MMP26: variants seen among roughly 807,000 people sequenced by gnomAD.
MMP26 encodes the protein matrix metallopeptidase 26.
In MMP26, 33 loss-of-function variants were observed where a neutral mutation model predicts 31.0. The observed-to-expected ratio is 1.06, with a 90% confidence interval of 0.81 to 1.42. The LOEUF (loss-of-function observed/expected upper bound fraction) is 1.42. Among genes scored for constraint, MMP26 ranks in the 40% most tolerant of loss-of-function variants. The pLI, the probability that MMP26 is intolerant of heterozygous loss-of-function variation, is 0.00. For missense variants in MMP26, 347 were observed against 316.1 expected (o/e 1.10, Z -0.74); for synonymous variants, 122 against 114.9 (o/e 1.06, Z -0.40).
intron 2 of MMP26, chr11:4,860,571 C>T (rs1019102737): frequency 4.4e-6 from 2 of 453,342 alleles, no homozygotes; most frequent in African/African-American, 4.0e-5. Context: ...TCATGTTGTT[C>T]TCACCATCGG....
chr11:4,915,948 C>A (rs1054746917), intron 2 of MMP26, among the ~76,000 whole-genome samples: 1 of 152,050 alleles, frequency 6.6e-6, no homozygotes, highest in African/African-American at 2.4e-5. Context: ...GCCGCTCCAC[C>A]CTTTTTGCTC....
intron 2 of MMP26, among the ~76,000 whole-genome samples, chr11:4,827,601 C>T (rs773885097): frequency 6.6e-6 from 1 of 151,608 alleles, no homozygotes; most frequent in African/African-American, 2.4e-5. Flanking sequence ...TAAGTTTACA[C>T]CCTTTTATGT....
At chr11:4,711,692 TC>T (rs1453218672) in intron 1 of MMP26, 1 of 152,138 alleles carries the variant, frequency 6.6e-6, no homozygotes, top group Non-Finnish European at 1.5e-5. Context: ...ACTTGACACT[TC>T]CGTTTAAAGT....
In MMP26 at chr11:4,988,121, G is replaced by A; in HGVS notation, c.-91G>A. The A allele has an allele frequency of 1.8e-6, 2 of 1,117,010 alleles. No homozygotes were observed. Among genetic ancestry groups the A allele is most frequent in the East Asian group, 2.4e-5 (1 of 42,504 alleles). The allele number at this position is 1,117,010 out of a possible 1,614,324, so 69.2% of individuals were successfully genotyped here. On this transcript the variant is annotated 5_prime_UTR_variant, in exon 3 of 8. Transcript: ENST00000380390. ...CAAAGAAAGGGCAAACTGGCAGAGT[G>A]AGTCATTGGATGTTGCTGGCACAGC...
chr11:4,951,999 G>C lies in MMP26; in HGVS notation c.-144-36069G>C, dbSNP rs887738035. ...ACTTAAGTGTCCTGTAGCTCACAAG[G>C]TTCCTACAACTTTTAATTCAAGTCT... On this transcript the variant is annotated intron_variant, in intron 2 of 7. Transcript: ENST00000380390. 9.7e-5 allele frequency among the ~76,000 whole-genome samples: 12 copies of C among 123,838 alleles called. 1 individual carries two copies. The highest frequency in any genetic ancestry group is 3.3e-4 in the African/African-American group (12 of 36,564). 81.2% of individuals were successfully genotyped at this position (123,838 alleles called of 152,430 possible). A position where few individuals can be genotyped will look rare whatever the true frequency, so the allele number is the denominator to read the frequency against.
At chr11:4,815,118 C>A (rs1173562235) in intron 2 of MMP26, among the ~76,000 whole-genome samples, 1 of 152,130 alleles carries the variant, frequency 6.6e-6, no homozygotes, top group Non-Finnish European at 1.5e-5. Context: ...TTTGATCAAC[C>A]TTTCACTAAA....
intron 2 of MMP26, chr11:4,848,045 G>T (rs1849899457): frequency 1.7e-6 from 1 of 592,268 alleles, no homozygotes; most frequent in Admixed American, 3.2e-5. Flanking sequence ...CCAGTGGGTG[G>T]ATCATGTTCA....
At chr11:4,725,285 AT>A (rs1302353276) in intron 1 of MMP26, among the ~76,000 whole-genome samples, 7 of 152,228 alleles carry the variant, frequency 4.6e-5, no homozygotes, top group Non-Finnish European at 1.0e-4. Context: ...AGACATAAAG[AT>A]AACAGCCTAA....
chr11:4,783,684 T>A (rs112305385), intron 2 of MMP26, among the ~76,000 whole-genome samples: 14,417 of 152,226 alleles, frequency 0.095, 846 homozygotes, highest in Middle Eastern at 0.15. Context: ...ATCTTGTATC[T>A]CCCATAATTT....
intron 1 of MMP26, chr11:4,724,094 C>G (rs552446202): frequency 3.1e-6 from 2 of 638,356 alleles, no homozygotes; most frequent in Non-Finnish European, 5.6e-6. Context: ...CAGGTCCACT[C>G]GTGTAGGAGC....
At chr11:4,959,478 C>T (rs891160149) in intron 2 of MMP26, among the ~76,000 whole-genome samples, 34 of 152,176 alleles carry the variant, frequency 2.2e-4, no homozygotes, top group African/African-American at 7.9e-4. Context: ...GAAACACAAT[C>T]CCTGCCCTCT....
chr11:4,739,435 A>T (rs534885412), intron 1 of MMP26, among the ~76,000 whole-genome samples: 44 of 152,226 alleles, frequency 2.9e-4, no homozygotes, highest in African/African-American at 1.1e-3. Context: ...ACCCTCACTA[A>T]GCCAATCTGG....
intron 2 of MMP26, among the ~76,000 whole-genome samples, chr11:4,813,950 A>G (rs973258448): frequency 8.5e-5 from 13 of 152,212 alleles, no homozygotes; most frequent in African/African-American, 1.9e-4. Context: ...AAACCAACTC[A>G]TGAAAAATAC....
At chr11:4,972,209 A>G (rs912884411) in intron 2 of MMP26, among the ~76,000 whole-genome samples, 2 of 152,188 alleles carry the variant, frequency 1.3e-5, no homozygotes, top group South Asian at 4.1e-4. Context: ...CTGACCTAGC[A>G]TGACTCTTGC....
chr11:4,774,820 G>A (rs868828260), intron 2 of MMP26, among the ~76,000 whole-genome samples: 2 of 152,076 alleles, frequency 1.3e-5, no homozygotes, highest in Non-Finnish European at 2.9e-5. Flanking sequence ...TGTGAGGAAG[G>A]GGTCCAGTTT....
intron 2 of MMP26, among the ~76,000 whole-genome samples, chr11:4,883,895 ACT>A (rs1355761578): frequency 6.6e-6 from 1 of 152,032 alleles, no homozygotes; most frequent in African/African-American, 2.4e-5. Context: ...ACCTAGGATA[ACT>A]CATGTCTGAG....
At chr11:4,815,324 G>A (rs1195820145) in intron 2 of MMP26, among the ~76,000 whole-genome samples, 2 of 152,124 alleles carry the variant, frequency 1.3e-5, no homozygotes, top group Non-Finnish European at 2.9e-5. Context: ...AATTTTCATT[G>A]CCAGGGTGAA....
At chr11:4,807,583 C>T (rs958700961) in intron 2 of MMP26, among the ~76,000 whole-genome samples, 4 of 102,408 alleles carry the variant, frequency 3.9e-5, no homozygotes, top group East Asian at 3.1e-4. Context: ...CACATGGATA[C>T]AGGGTGGGGA....
At chr11:4,724,060 A>T (rs1398076591) in intron 1 of MMP26, 5 of 654,554 alleles carry the variant, frequency 7.6e-6, no homozygotes, top group Non-Finnish European at 1.4e-5. Flanking sequence ...ACTGGGGAAA[A>T]GCTTGAGGAG....
Sources: allele counts gnomAD v4.1 joint callset (sites outside exome capture counted in the v4.1 genomes callset), GRCh38; gene constraint gnomAD v4.1.1; transcripts MANE v1.5; gene names NCBI Gene and HGNC (gene_info 2026-07-23, HGNC 2026-07-21).